ZNF263: variants seen among roughly 807,000 people sequenced by gnomAD.
ZNF263 encodes zinc finger protein FPM315.
ZNF263 carries 49 observed loss-of-function variants against 63.1 expected under a neutral mutation model. The observed-to-expected ratio is 0.78, with a 90% CI of 0.62 to 0.99. The LOEUF is 0.99. ZNF263 is among the 50% of genes least tolerant of loss of function. The pLI is 0.00. For synonymous variants in ZNF263, 352 were observed against 324.2 expected (o/e 1.09, Z -0.92); for missense variants, 872 against 854.8 (o/e 1.02, Z -0.25).
At chr16:3,285,307 G>C in intron 2 of ZNF263, 68 bp downstream of exon 2, 2 of 1,487,496 alleles carry the variant, frequency 1.3e-6, no homozygotes, top group Non-Finnish European at 1.8e-6. Context: ...ACACTAGCTG[G>C]ATGTAGCAAT....
chr16:3,298,258 GTTAC>G lies in ZNF263; in HGVS notation c.152-844_152-841del, dbSNP rs550850985. 1.2e-3 allele frequency among the ~76,000 whole-genome samples: 188 copies of G among 152,324 alleles called. 1 individual carries two copies. The highest frequency in any genetic ancestry group is 4.3e-3 in the African/African-American group (179 of 41,574). ...TACCAGTTTATGTGACCTTTGTCGAGTTACTTAATCTCTCTAAATCTGTTTCCTT... is the reference window on the plus strand; with the variant it reads ...TACCAGTTTATGTGACCTTTGTCGAGTTAATCTCTCTAAATCTGTTTCCTT... On this transcript the variant is annotated intron_variant, in intron 1 of 2. Coordinates refer to the ZNF263 transcript ENST00000574674.
chr16:3,288,235 G>C (rs913853682), intron 4 of ZNF263, among the ~76,000 whole-genome samples: 5 of 150,780 alleles, frequency 3.3e-5, no homozygotes, highest in African/African-American at 1.2e-4. Context: ...CTGGGCGACA[G>C]AGTGAGACTC....
intron 1 of ZNF263, among the ~76,000 whole-genome samples, 172 bp from the exon 2 acceptor site, chr16:3,284,887 T>TC (rs1959283306): frequency 6.6e-6 from 1 of 152,008 alleles, no homozygotes; most frequent in African/African-American, 2.4e-5. Context: ...CCCTAACCCC[T>TC]CCCCCTGCAC....
In ZNF263 at chr16:3,284,003, T is replaced by C. The variant is rs1403400916; in HGVS notation, c.185T>C (p.Leu62Pro). Residue 62 changes from leucine to proline, a missense_variant, in exon 1 of 6, where the codon CTC (leucine) becomes CCC (proline). By Grantham distance (98) the Leu-to-Pro change is moderately conservative. Coordinates refer to ENST00000219069, the MANE Select transcript of ZNF263 (RefSeq NM_005741.5). ...AAGPREALSR[L>P]QELCHGWLRP... ...GGTCCCCGGGAAGCCCTCAGCCGGC[T>C]CCAAGAGCTTTGCCATGGGTGGCTT... The C allele has an allele frequency of 6.2e-7, 1 of 1,611,930 alleles. No individual in the cohort carries two copies. Among genetic ancestry groups the C allele is most frequent in the Non-Finnish European group, 8.5e-7 (1 of 1,179,462 alleles).
At chr16:3,291,979 C>T (rs553265609), downstream of ZNF263, among the ~76,000 whole-genome samples, 1 of 152,198 alleles carries the variant, frequency 6.6e-6, no homozygotes, top group South Asian at 2.1e-4. Context: ...TCACTATTTG[C>T]CCAGGCTGGT....
chr16:3,300,352 T>C (rs756409993), intron 2 of ZNF263: 1 of 1,614,264 alleles, frequency 6.2e-7, no homozygotes, highest in South Asian at 1.1e-5. Context: ...TTTCTGTTGG[T>C]ACCACATGTA....
chr16:3,284,764 G>T lies in ZNF263; in HGVS notation c.388-295G>T, dbSNP rs555370619. Among the ~76,000 whole-genome samples the T allele has an allele frequency of 5.6e-4, 85 of 152,260 alleles. 4 individuals carry two copies. In the South Asian group the frequency reaches 0.017, roughly 31 times the overall value. On this transcript the variant is annotated intron_variant, in intron 1 of 5. Transcript: ENST00000219069. ...TGGTCCCCAGGGCTACCCCAATTTA[G>T]CCTATCCTATAGTGAGGAATAGAAG...
chr16:3,296,439 A>C (rs1364516454), downstream of ZNF263, among the ~76,000 whole-genome samples: 1 of 152,180 alleles, frequency 6.6e-6, no homozygotes, highest in Non-Finnish European at 1.5e-5. Flanking sequence ...GTCTTTCAAA[A>C]GAGGCAAAAC....
chr16:3,291,393 A>T lies in ZNF263; in HGVS notation c.*835A>T, dbSNP rs781444928. 5 of 985,416 alleles carry T rather than the reference A, an allele frequency of 5.1e-6. No individual in the cohort carries two copies. The highest frequency in any genetic ancestry group is 6.0e-6 in the Non-Finnish European group (5 of 829,930). The allele number at this position is 985,416 out of a possible 1,614,324, so 61.0% of individuals were successfully genotyped here. On this transcript the variant is annotated 3_prime_UTR_variant, in exon 6 of 6. Transcript: ENST00000219069. Reference sequence around the variant, plus strand: ...ATTGAAAATGTGAATCCTAGGGGGAAATTGGGGATTGTGTCTTTCCCTGTT... The same window carrying T: ...ATTGAAAATGTGAATCCTAGGGGGATATTGGGGATTGTGTCTTTCCCTGTT...
rs773408212 is a variant in ZNF263, at chr16:3,289,782, A to C, written c.1276A>C (p.Arg426=). The C allele has an allele frequency of 1.2e-6, 2 of 1,614,272 alleles. No individual in the cohort carries two copies. Residue 426 remains arginine (R), a synonymous_variant, in exon 6 of 6, where the codon AGA becomes CGA. Coordinates refer to ENST00000219069, the MANE Select transcript of ZNF263 (RefSeq NM_005741.5). ...GGNPRFLSLH[R]AHLGEEAHKC... is the part of the protein sequence containing the mutation. ...GAACCCACGTTTCCTGTCACTACAC[A>C]GAGCACACCTGGGAGAGGAGGCCCA...
intron 2 of ZNF263, chr16:3,300,164 C>A (rs1252786692): frequency 2.5e-6 from 4 of 1,614,110 alleles, no homozygotes; most frequent in Non-Finnish European, 3.4e-6. Flanking sequence ...TCAACATTTT[C>A]AGAAACTGAA....
Position 3,299,858 on chromosome 16 carries a change from T to C in ZNF263, c.*46+702T>C, listed in dbSNP as rs368877455. On this transcript the variant is annotated intron_variant, in intron 2 of 2. Transcript: ENST00000574674. ...AATTCTCTGGTGAACCAAACATCTTTACTGGGTTTATATATCACAGGCAAT... is the reference window on the plus strand; with the variant it reads ...AATTCTCTGGTGAACCAAACATCTTCACTGGGTTTATATATCACAGGCAAT... The C allele has an allele frequency of 4.4e-6, 7 of 1,594,442 alleles. No homozygotes were observed. In the African/African-American group the frequency reaches 8.1e-5, roughly 18 times the overall value.
At chr16:3,294,074 C>T (rs1264986061), downstream of ZNF263, among the ~76,000 whole-genome samples, 2 of 152,168 alleles carry the variant, frequency 1.3e-5, no homozygotes, top group Non-Finnish European at 2.9e-5. Context: ...TACAGGCGCC[C>T]GCCACCACGC....
At chr16:3,295,031 G>A (rs1182283738), downstream of ZNF263, among the ~76,000 whole-genome samples, 1 of 152,204 alleles carries the variant, frequency 6.6e-6, no homozygotes, top group Non-Finnish European at 1.5e-5. Flanking sequence ...CCCGGCAGGA[G>A]TCCAGCCCCA....
At chr16:3,286,902 T>C (rs1317394335) in intron 4 of ZNF263, 1 of 152,142 alleles carries the variant, frequency 6.6e-6, no homozygotes, top group Non-Finnish European at 1.5e-5. Flanking sequence ...TGTGTGTACA[T>C]TATGATTATA....
intron 1 of ZNF263, among the ~76,000 whole-genome samples, chr16:3,296,955 G>T (rs1959761971): frequency 6.6e-6 from 1 of 152,196 alleles, no homozygotes; most frequent in Admixed American, 6.5e-5. Context: ...GTTGACTTAA[G>T]ATAGTAAGAA....
chr16:3,287,339 C>T (rs1227447043), intron 4 of ZNF263, among the ~76,000 whole-genome samples: 4 of 151,520 alleles, frequency 2.6e-5, no homozygotes, highest in East Asian at 1.9e-4. Context: ...CTTGAATTCC[C>T]GACCTCAGGT....
At position 3,290,966 on chromosome 16, in the gene ZNF263, G is replaced by A. The variant is rs959710745; in HGVS notation, c.*408G>A. The stretch of plus-strand genomic sequence containing the variant: ...CAGTAGGAGCATTTGGGCTTCCGGG[G>A]CCCCTGAGACCAAAGAAGAGGGGCC... On this transcript the variant is annotated 3_prime_UTR_variant, in exon 6 of 6. Transcript: ENST00000219069. The A allele has an allele frequency of 2.1e-5, 21 of 999,940 alleles. No individual in the cohort carries two copies. Among genetic ancestry groups the A allele is most frequent in the Non-Finnish European group, 2.5e-5 (21 of 837,272 alleles). 61.9% of individuals were successfully genotyped at this position (999,940 alleles called of 1,614,324 possible).
rs895333501 is a variant in ZNF263 at position 3,286,114 on chromosome 16, C to T, written c.734C>T (p.Thr245Met). The change falls in exon 4 of 6, where the codon ACG (threonine) becomes ATG (methionine). Residue 245 changes from threonine to methionine, a missense_variant. Coordinates refer to ENST00000219069, the MANE Select transcript of ZNF263 (RefSeq NM_005741.5). ...DPSKRALSRD[T>M]VQESYENVDS... is the part of the protein sequence containing the mutation. ...AGTAAGAGGGCCCTCTCCAGGGACA[C>T]GGTGCAGGAGAGTTATGAGAATGTG... The T allele has an allele frequency of 3.7e-6, 6 of 1,610,698 alleles. No homozygotes were observed. The highest frequency in any genetic ancestry group is 1.7e-4 in the Middle Eastern group (1 of 6,056).
Sources: allele counts gnomAD v4.1 joint callset (sites outside exome capture counted in the v4.1 genomes callset), GRCh38; gene constraint gnomAD v4.1.1; transcripts MANE v1.5; gene names NCBI Gene and HGNC (gene_info 2026-07-23, HGNC 2026-07-21).